The following C11orf65 variants were observed in gnomAD, a reference collection of about 807,000 sequenced individuals.
C11orf65 encodes the protein protein MFI.
In C11orf65, 38 loss-of-function variants were observed where a neutral mutation model predicts 35.3. That is an observed-to-expected ratio of 1.08 (90% CI 0.83 to 1.41). The LOEUF (loss-of-function observed/expected upper bound fraction) is 1.41, where lower values mean the gene tolerates loss of function less well. Among genes scored for constraint, C11orf65 ranks in the 40% most tolerant of loss-of-function variants. C11orf65 has a pLI of 0.00. For missense variants in C11orf65, 370 were observed against 367.1 expected, an observed-to-expected ratio of 1.01 and a Z score of -0.06; for synonymous variants, 105 against 114.4, an observed-to-expected ratio of 0.92 and a Z score of 0.53.
At chr11:108,408,729 A>AAAACAAAACAAAAC (rs2092600715) in intron 3 of C11orf65, among the ~76,000 whole-genome samples, 3 of 109,588 alleles carry the variant, frequency 2.7e-5, no homozygotes, top group African/African-American at 1.2e-4. Context: ...AAAATAAAAT[A>AAAACAAAACAAAAC]AAATGATATA....
intron 6 of C11orf65, among the ~76,000 whole-genome samples, chr11:108,399,079 A>C (rs2092384005): frequency 6.6e-6 from 1 of 152,100 alleles, no homozygotes; most frequent in African/African-American, 2.4e-5. Flanking sequence ...TTGAGTCTAT[A>C]TAGGGCCTCC....
chr11:108,408,403 G>C (rs150076337), intron 3 of C11orf65, among the ~76,000 whole-genome samples: 1 of 151,976 alleles, frequency 6.6e-6, no homozygotes, highest in African/African-American at 2.4e-5. Context: ...GGCCGGGCGT[G>C]GTGGCTCACA....
chr11:108,344,837 C>G (rs955350473), intron 2 of C11orf65, among the ~76,000 whole-genome samples: 5 of 151,846 alleles, frequency 3.3e-5, no homozygotes, highest in African/African-American at 1.2e-4. Flanking sequence ...GACCACATCT[C>G]TACAAAAAAT....
chr11:108,465,942 G>A (rs1215825845), intron 1 of C11orf65, among the ~76,000 whole-genome samples: 2 of 149,898 alleles, frequency 1.3e-5, no homozygotes, highest in Non-Finnish European at 3.0e-5. Context: ...TCGAGATCAT[G>A]CCACTACTCC....
intron 6 of C11orf65, among the ~76,000 whole-genome samples, chr11:108,401,564 T>C (rs772425279): frequency 6.6e-6 from 1 of 152,210 alleles, no homozygotes; most frequent in Non-Finnish European, 1.5e-5. Flanking sequence ...TAAGAAACGA[T>C]GTAATGCACT....
At chr11:108,392,239 G>T (rs1287549164) in intron 7 of C11orf65, among the ~76,000 whole-genome samples, 3 of 151,750 alleles carry the variant, frequency 2.0e-5, no homozygotes, top group Non-Finnish European at 2.9e-5. Flanking sequence ...TAGAGATGGG[G>T]TCTCGCTATG....
intron 2 of C11orf65, among the ~76,000 whole-genome samples, chr11:108,443,802 T>C (rs1032957601): frequency 2.1e-4 from 32 of 152,144 alleles, no homozygotes; most frequent in African/African-American, 7.2e-4. Flanking sequence ...CCAGAATCTC[T>C]GGGACACATT....
chr11:108,321,162 T>C, intron 6 of C11orf65: 1 of 1,127,446 alleles, frequency 8.9e-7, no homozygotes, highest in Non-Finnish European at 1.3e-6. Context: ...ACTGCTATTT[T>C]GTATTCACTG....
chr11:108,386,689 C>A (rs767800903), intron 7 of C11orf65, among the ~76,000 whole-genome samples: 5 of 152,098 alleles, frequency 3.3e-5, no homozygotes, highest in Non-Finnish European at 5.9e-5. Flanking sequence ...TCCTAAGGTG[C>A]CTTTACAACT....
intron 2 of C11orf65, among the ~76,000 whole-genome samples, chr11:108,344,395 A>G (rs1279408291): frequency 6.6e-6 from 1 of 152,210 alleles, no homozygotes; most frequent in Non-Finnish European, 1.5e-5. Flanking sequence ...CAACATAAGC[A>G]TAGGCTTAGT....
At chr11:108,455,950 T>C (rs116094716) in intron 2 of C11orf65, among the ~76,000 whole-genome samples, 1,645 of 151,596 alleles carry the variant, frequency 0.011, 29 homozygotes, top group African/African-American at 0.037. Context: ...GCTCAGGAGT[T>C]AAGAGACCAG....
chr11:108,398,272 T>A (rs1486764205), intron 6 of C11orf65, among the ~76,000 whole-genome samples: 2 of 152,042 alleles, frequency 1.3e-5, no homozygotes, highest in Non-Finnish European at 2.9e-5. Context: ...AAAGAAAAGA[T>A]CAGATTTGGG....
intron 2 of C11orf65, among the ~76,000 whole-genome samples, chr11:108,373,779 A>G (rs961578320): frequency 3.3e-5 from 5 of 152,236 alleles, no homozygotes; most frequent in African/African-American, 1.2e-4. Context: ...GGTCAAGGAA[A>G]GGGGTGACAG....
chr11:108,387,154 T>G (rs1412862720), intron 7 of C11orf65, among the ~76,000 whole-genome samples: 1 of 130,632 alleles, frequency 7.7e-6, no homozygotes, highest in Non-Finnish European at 1.6e-5. Context: ...CTTTCTTTTT[T>G]TTTTTTTTTT....
At chr11:108,325,213 T>C in intron 6 of C11orf65, 1 of 830,030 alleles carries the variant, frequency 1.2e-6, no homozygotes, top group East Asian at 2.6e-5. Context: ...CTTTGTATTA[T>C]TATAATATTA....
chr11:108,318,918 A>G (rs1335760994), intron 6 of C11orf65, among the ~76,000 whole-genome samples: 2 of 152,068 alleles, frequency 1.3e-5, no homozygotes, highest in East Asian at 1.9e-4. Context: ...GCTCATGCCT[A>G]TAATCCCAGC....
intron 5 of C11orf65, among the ~76,000 whole-genome samples, chr11:108,405,856 G>A (rs942764522): frequency 6.6e-6 from 1 of 152,190 alleles, no homozygotes; most frequent in African/African-American, 2.4e-5. Flanking sequence ...CACATGAATA[G>A]ACCTGACCTA....
intron 6 of C11orf65, among the ~76,000 whole-genome samples, chr11:108,317,711 T>C (rs890308736): frequency 3.4e-5 from 5 of 147,070 alleles, no homozygotes; most frequent in African/African-American, 1.2e-4. Flanking sequence ...AGTGTGTATG[T>C]GTGTATATAT....
In C11orf65 at chr11:108,416,033, G is replaced by A. The variant is rs183210448; in HGVS notation, c.175-8884C>T. 4.2e-4 allele frequency among the ~76,000 whole-genome samples: 64 copies of A among 152,232 alleles called. No individual in the cohort carries two copies. The East Asian group carries it at 0.011, about 26-fold the overall frequency. On this transcript the variant is annotated intron_variant, in intron 3 of 8. Coordinates refer to ENST00000393084, the MANE Select transcript of C11orf65 (RefSeq NM_152587.5). ...TATATAACTCTTAGAAGATAACATA[G>A]GAGGAAATCTAGGTGAGCTTGGGTT...
Sources: gnomAD v4.1 joint callset for allele counts (sites outside exome capture counted in the v4.1 genomes callset) on GRCh38, gnomAD v4.1.1 for gene constraint, MANE v1.5 for transcripts, NCBI Gene and HGNC (gene_info 2026-07-23, HGNC 2026-07-21) for gene names.